The following ZNF367 variants were observed in gnomAD, a reference collection of about 807,000 sequenced individuals.
The protein encoded by ZNF367 is zinc finger protein 367.
Under a neutral mutation model 31.8 loss-of-function variants are expected in ZNF367, and 11 were observed. The observed-to-expected ratio is 0.35, with a 90% CI of 0.22 to 0.57. The LOEUF (loss-of-function observed/expected upper bound fraction) is 0.57. Among genes scored for constraint, ZNF367 ranks in the 20% least tolerant of loss-of-function variants. The pLI is 0.85. For synonymous variants in ZNF367, 199 were observed against 202.4 expected (o/e 0.98, Z 0.14); for missense variants, 353 against 484.1 (o/e 0.73, Z 2.54).
chr9:96,398,022 G>A (rs1284668575), intron 2 of ZNF367, 142 bp downstream of exon 2: 17 of 716,588 alleles, frequency 2.4e-5, no homozygotes, highest in Middle Eastern at 4.5e-4. Context: ...CCCAGGAGGC[G>A]GAGCTTGCAG....
chr9:96,401,774 G>A (rs1233680549), intron 1 of ZNF367, among the ~76,000 whole-genome samples: 2 of 151,872 alleles, frequency 1.3e-5, no homozygotes, highest in Non-Finnish European at 2.9e-5. Context: ...TTTGCAGTAA[G>A]CCAAGATTGC....
At chr9:96,394,726 T>C (rs1831510260) in intron 3 of ZNF367, 97 bp downstream of exon 3, 9 of 1,135,438 alleles carry the variant, frequency 7.9e-6, no homozygotes, top group Non-Finnish European at 1.1e-5. Context: ...AAAATTTATA[T>C]TAAAAAATCT....
intron 1 of ZNF367, among the ~76,000 whole-genome samples, chr9:96,401,691 A>G (rs113606908): frequency 0.029 from 4,176 of 146,072 alleles, 71 homozygotes; most frequent in Middle Eastern, 0.062. Flanking sequence ...AGCCAGGTGT[A>G]GTGGCGCACA....
chr9:96,410,416 GC>G (rs1232351571), intron 1 of ZNF367, among the ~76,000 whole-genome samples: 1 of 147,516 alleles, frequency 6.8e-6, no homozygotes, highest in Non-Finnish European at 1.5e-5. Context: ...CAAAAAATTA[GC>G]CGGGCGTGGT....
At chr9:96,394,460 A>G (rs1831506569) in intron 3 of ZNF367, among the ~76,000 whole-genome samples, 1 of 152,204 alleles carries the variant, frequency 6.6e-6, no homozygotes, top group Non-Finnish European at 1.5e-5. Context: ...ATTTAACTGT[A>G]CATTCTAAAA....
intron 2 of ZNF367, among the ~76,000 whole-genome samples, chr9:96,396,905 G>A (rs981122556): frequency 2.6e-5 from 4 of 152,044 alleles, no homozygotes; most frequent in African/African-American, 9.7e-5. Context: ...GACCTCAGGT[G>A]ATCCACCCAC....
chr9:96,416,099 T>G (rs1158553360), intron 1 of ZNF367, among the ~76,000 whole-genome samples: 1 of 149,958 alleles, frequency 6.7e-6, no homozygotes, highest in Non-Finnish European at 1.5e-5. Context: ...TTTTTTTTTT[T>G]TTTTTTGAGA....
intron 3 of ZNF367, among the ~76,000 whole-genome samples, chr9:96,393,626 G>A (rs1831497090): frequency 1.3e-5 from 2 of 152,202 alleles, no homozygotes. Context: ...GAGATTGGGA[G>A]TTCAAGACCA....
chr9:96,412,209 G>A lies in ZNF367; in HGVS notation c.420+5404C>T, dbSNP rs141119115. On this transcript the variant is annotated intron_variant, in intron 1 of 4. Coordinates refer to ENST00000375256, the MANE Select transcript of ZNF367 (RefSeq NM_153695.4). ...AGAGTGTTACACTCAGCAGCCAAGTGCACCTGGAGGCTAAGGACAGATCTT... is the reference window on the plus strand; with the variant it reads ...AGAGTGTTACACTCAGCAGCCAAGTACACCTGGAGGCTAAGGACAGATCTT... Among the ~76,000 whole-genome samples the A allele has an allele frequency of 5.3e-5, 8 of 152,318 alleles. No homozygotes were observed. The East Asian group carries it at 1.5e-3, about 29-fold the overall frequency.
intron 3 of ZNF367, 39 bp from the exon 4 acceptor site, chr9:96,392,575 A>G (rs942459066): frequency 3.2e-6 from 5 of 1,561,886 alleles, no homozygotes; most frequent in Non-Finnish European, 3.5e-6. Context: ...GGATCTGGAC[A>G]TCCAGCACAT....
intron 1 of ZNF367, among the ~76,000 whole-genome samples, chr9:96,408,153 T>C (rs989540608): frequency 4.6e-5 from 7 of 152,024 alleles, no homozygotes; most frequent in Admixed American, 4.6e-4. Flanking sequence ...ATGGCACATG[T>C]ATACATATGG....
chr9:96,411,406 A>T (rs1831748255), intron 1 of ZNF367, among the ~76,000 whole-genome samples: 1 of 150,798 alleles, frequency 6.6e-6, no homozygotes, highest in African/African-American at 2.4e-5. Context: ...GCCAGGTGTG[A>T]TATACACCTG....
rs1411812766 is a variant in ZNF367, at chr9:96,417,393, C to G, written c.420+220G>C. Among the ~76,000 whole-genome samples the G allele has an allele frequency of 6.6e-6, 1 of 151,756 alleles. No homozygotes were observed. The highest frequency in any genetic ancestry group is 1.5e-5 in the Non-Finnish European group (1 of 67,962). The stretch of plus-strand genomic sequence containing the variant: ...CCGCGCTCCCGCCCACTGCACCTGC[C>G]GCAAGGACGGTCTCCCGCGCCGCTC... On this transcript the variant is annotated intron_variant, in intron 1 of 4. Transcript: ENST00000375256. This position sits in a 1 kb window ranked among gnomAD's most constrained non-coding sequence, Gnocchi z 5.0.
chr9:96,397,954 G>T (rs1407111511), intron 2 of ZNF367, among the ~76,000 whole-genome samples: 3 of 151,824 alleles, frequency 2.0e-5, no homozygotes, highest in Non-Finnish European at 2.9e-5. Context: ...GCTGGGCGTG[G>T]TGGCACACAC....
intron 1 of ZNF367, among the ~76,000 whole-genome samples, chr9:96,400,136 G>A (rs73541079): frequency 6.6e-6 from 1 of 152,090 alleles, no homozygotes; most frequent in Non-Finnish European, 1.5e-5. Flanking sequence ...ACTAGACAAA[G>A]ATTTTAAATC....
rs1214551946 is a variant in ZNF367, at chr9:96,417,667, G to A, written c.366C>T (p.Ala122=). ...PPPAASASAA[A]SGGEDEEEAS... ...CTTCCTCCTCGTCCTCACCTCCCGA[G>A]GCGGCGGCGGAGGCCGAGGCGGCGG... Residue 122 remains alanine, a synonymous_variant, in exon 1 of 5, where the codon GCC becomes GCT. Transcript: ENST00000375256. This position sits in a 1 kb window ranked among gnomAD's most constrained non-coding sequence, Gnocchi z 5.0. 3.9e-6 allele frequency: 4 copies of A among 1,028,854 alleles called. No individual in the cohort carries two copies. The highest frequency in any genetic ancestry group is 7.1e-5 in the East Asian group (2 of 28,252). 63.7% of individuals were successfully genotyped at this position (1,028,854 alleles called of 1,614,324 possible). A position where few individuals can be genotyped will look rare whatever the true frequency, so the allele number is the denominator to read the frequency against.
intron 4 of ZNF367, among the ~76,000 whole-genome samples, chr9:96,389,192 C>A (rs1482546449): frequency 6.6e-6 from 1 of 151,696 alleles, no homozygotes; most frequent in Admixed American, 6.6e-5. Flanking sequence ...CCCAGCTACT[C>A]CAGAGGCTGA....
At chr9:96,412,305 A>G (rs1831761562) in intron 1 of ZNF367, among the ~76,000 whole-genome samples, 1 of 152,248 alleles carries the variant, frequency 6.6e-6, no homozygotes, top group African/African-American at 2.4e-5. Flanking sequence ...CTTAGTAATT[A>G]TAATTTTAAA....
At chr9:96,408,075 G>T (rs539641361) in intron 1 of ZNF367, among the ~76,000 whole-genome samples, 1 of 152,132 alleles carries the variant, frequency 6.6e-6, no homozygotes, top group African/African-American at 2.4e-5. Context: ...GGTGGCGGGA[G>T]CGGGGAGGGA....
Sources: allele counts gnomAD v4.1 joint callset (sites outside exome capture counted in the v4.1 genomes callset), GRCh38; gene constraint gnomAD v4.1.1; non-coding constraint Gnocchi (gnomAD v3.1); transcripts MANE v1.5; gene names NCBI Gene and HGNC (gene_info 2026-07-23, HGNC 2026-07-21).